Variants in GABRR3 observed in about 807,000 individuals in gnomAD.
GABRR3 encodes gamma-aminobutyric acid type A receptor subunit rho3.
GABRR3 carries 29 observed loss-of-function variants against 43.2 expected under a neutral mutation model. The ratio of observed to expected loss-of-function variants is 0.67; its 90% CI spans 0.50 to 0.92. The LOEUF (loss-of-function observed/expected upper bound fraction) is 0.92. Among genes scored for constraint, GABRR3 ranks in the 40% least tolerant of loss-of-function variants. The probability of loss-of-function intolerance (pLI) is 0.00; values close to 1 mark genes in which losing one functional copy is unlikely to be tolerated. For synonymous variants in GABRR3, 206 were observed against 195.9 expected, an observed-to-expected ratio of 1.05 and a Z score of -0.43; for missense variants, 576 against 572.3, an observed-to-expected ratio of 1.01 and a Z score of -0.07.
chr3:98,030,226 T>C (rs545539192), intron 2 of GABRR3, among the ~76,000 whole-genome samples: 3 of 152,228 alleles, frequency 2.0e-5, no homozygotes, highest in African/African-American at 7.2e-5. Context: ...ATATTTCATG[T>C]GCTTTACTCA....
At chr3:97,995,047 C>T (rs889324045) in intron 8 of GABRR3, among the ~76,000 whole-genome samples, 1 of 151,906 alleles carries the variant, frequency 6.6e-6, no homozygotes, top group Admixed American at 6.6e-5. Context: ...GGCACGATCT[C>T]GGCTCACTGC....
intron 3 of GABRR3, among the ~76,000 whole-genome samples, chr3:98,023,465 A>G (rs1706976390): frequency 6.6e-6 from 1 of 152,118 alleles, no homozygotes; most frequent in East Asian, 1.9e-4. Flanking sequence ...TCGACTGAAG[A>G]TTCCTGCTTG....
At chr3:98,013,231 A>G (rs1348129086) in intron 4 of GABRR3, among the ~76,000 whole-genome samples, 2 of 152,216 alleles carry the variant, frequency 1.3e-5, no homozygotes, top group Non-Finnish European at 2.9e-5. Context: ...GCTAGTTCTC[A>G]GAGATTCTGA....
chr3:98,001,335 G>A, intron 8 of GABRR3: 1 of 388,340 alleles, frequency 2.6e-6, no homozygotes, highest in African/African-American at 2.0e-5. Flanking sequence ...TTAAAAGTGA[G>A]GCTGTTTATG....
intron 2 of GABRR3, among the ~76,000 whole-genome samples, chr3:98,033,639 T>A (rs832071): frequency 0.74 from 112,443 of 152,076 alleles, 41,894 homozygotes; most frequent in East Asian, 0.99. Flanking sequence ...AGCAGTGTCC[T>A]TTGATTTTTA....
chr3:98,007,318 G>T (rs1274026330), intron 7 of GABRR3, among the ~76,000 whole-genome samples: 1 of 152,084 alleles, frequency 6.6e-6, no homozygotes, highest in Admixed American at 6.6e-5. Flanking sequence ...AGGCCCTGTA[G>T]ATGGAATGAG....
chr3:98,029,037 A>G (rs950943481), intron 2 of GABRR3, among the ~76,000 whole-genome samples: 1 of 152,098 alleles, frequency 6.6e-6, no homozygotes, highest in African/African-American at 2.4e-5. Context: ...AGAAAAAAAA[A>G]ATGATTTCAG....
intron 2 of GABRR3, among the ~76,000 whole-genome samples, chr3:98,034,298 T>C (rs1707125057): frequency 6.6e-6 from 1 of 152,098 alleles, no homozygotes; most frequent in Admixed American, 6.6e-5. Context: ...GATAGCTATC[T>C]CCCTTACTAG....
chr3:98,029,886 C>T (rs557366438), intron 2 of GABRR3, among the ~76,000 whole-genome samples: 56 of 151,992 alleles, frequency 3.7e-4, no homozygotes, highest in Non-Finnish European at 5.9e-4. Flanking sequence ...GAGGCGAAGG[C>T]GGGCGGATCA....
chr3:98,024,330 G>A (rs909113070), intron 3 of GABRR3, among the ~76,000 whole-genome samples: 7 of 126,000 alleles, frequency 5.6e-5, no homozygotes, highest in Non-Finnish European at 9.3e-5. Flanking sequence ...CTGCATGCCA[G>A]CAATCCAGCC....
chr3:97,988,484 G>A (rs973711503), intron 9 of GABRR3, among the ~76,000 whole-genome samples: 5 of 152,162 alleles, frequency 3.3e-5, no homozygotes, highest in Non-Finnish European at 7.3e-5. Flanking sequence ...CGGGGAGAGA[G>A]GTGGTTGGAA....
intron 8 of GABRR3, chr3:97,999,217 G>T (rs1259439785): frequency 2.0e-5 from 3 of 152,062 alleles, no homozygotes; most frequent in African/African-American, 7.2e-5. Context: ...GTGATGTAAG[G>T]GTTTGTCACG....
chr3:97,990,047 T>A (rs961370641), intron 9 of GABRR3, among the ~76,000 whole-genome samples: 3 of 152,208 alleles, frequency 2.0e-5, no homozygotes, highest in Non-Finnish European at 2.9e-5. Flanking sequence ...TCCCATTGCA[T>A]CCTATTTCTT....
chr3:98,013,601 A>T (rs1706837785), intron 4 of GABRR3, among the ~76,000 whole-genome samples: 1 of 152,232 alleles, frequency 6.6e-6, no homozygotes, highest in Non-Finnish European at 1.5e-5. Flanking sequence ...TATTATACAA[A>T]CAAAGGATAC....
At chr3:98,021,575 C>T (rs923869577) in intron 3 of GABRR3, among the ~76,000 whole-genome samples, 2 of 152,070 alleles carry the variant, frequency 1.3e-5, no homozygotes, top group African/African-American at 4.8e-5. Flanking sequence ...GTATTAAAAC[C>T]AACTTACATG....
chr3:98,027,410 A>C (rs984839874), intron 2 of GABRR3, among the ~76,000 whole-genome samples: 1 of 152,248 alleles, frequency 6.6e-6, no homozygotes, highest in African/African-American at 2.4e-5. Context: ...TATGAGTGAA[A>C]ACTCATGAAA....
At chr3:98,001,351 T>C in intron 8 of GABRR3, 2 of 436,192 alleles carry the variant, frequency 4.6e-6, no homozygotes, top group Non-Finnish European at 8.3e-6. Flanking sequence ...TTATGCTTCA[T>C]AATTTCACCC....
At chr3:98,023,597 G>T (rs781542216) in intron 3 of GABRR3, among the ~76,000 whole-genome samples, 1 of 152,046 alleles carries the variant, frequency 6.6e-6, no homozygotes, top group Non-Finnish European at 1.5e-5. Flanking sequence ...TTTGGCTGGG[G>T]AAACACAGTT....
chr3:98,009,920 G>A (rs1576042987), intron 5 of GABRR3, among the ~76,000 whole-genome samples: 1 of 152,174 alleles, frequency 6.6e-6, no homozygotes, highest in African/African-American at 2.4e-5. Flanking sequence ...AGGACCCTCC[G>A]AGGTGTTTCA....
Sources: gnomAD v4.1 joint callset for allele counts (sites outside exome capture counted in the v4.1 genomes callset) on GRCh38, gnomAD v4.1.1 for gene constraint, MANE v1.5 for transcripts, NCBI Gene and HGNC (gene_info 2026-07-23, HGNC 2026-07-21) for gene names.